The following SLCO3A1 variants were observed in gnomAD, a reference collection of about 807,000 sequenced individuals.
The protein encoded by SLCO3A1 is PGE1 transporter.
In SLCO3A1, 27 loss-of-function variants were observed where a neutral mutation model predicts 63.1. The ratio of observed to expected loss-of-function variants is 0.43; its 90% confidence interval spans 0.32 to 0.59. SLCO3A1 has a LOEUF of 0.59. Ranked by LOEUF, SLCO3A1 falls within the 20% of genes least tolerant of loss-of-function variation. SLCO3A1 has a pLI of 0.09. For missense variants in SLCO3A1, 773 were observed against 945.8 expected (o/e 0.82, Z 2.40); for synonymous variants, 473 against 409.9 (o/e 1.15, Z -1.86).
intron 2 of SLCO3A1, among the ~76,000 whole-genome samples, chr15:92,011,171 C>G (rs180697601): frequency 3.5e-4 from 53 of 152,354 alleles, no homozygotes; most frequent in Admixed American, 2.1e-3. Context: ...AGGGTCCTAT[C>G]CCATGACCAT....
chr15:92,107,031 A>C (rs965336285), intron 4 of SLCO3A1, among the ~76,000 whole-genome samples: 1 of 152,244 alleles, frequency 6.6e-6, no homozygotes, highest in Non-Finnish European at 1.5e-5. Context: ...ACTAGGGTGC[A>C]ATAGGCAAGC....
At chr15:92,057,109 G>A (rs751393196) in intron 2 of SLCO3A1, among the ~76,000 whole-genome samples, 4 of 152,186 alleles carry the variant, frequency 2.6e-5, no homozygotes, top group Admixed American at 6.5e-5. Flanking sequence ...TGCTGTGCCC[G>A]TCTCAGGAAG....
chr15:92,166,943 C>T (rs1596164106), downstream of SLCO3A1, among the ~76,000 whole-genome samples: 1 of 152,182 alleles, frequency 6.6e-6, no homozygotes, highest in East Asian at 1.9e-4. Context: ...CTGCTAGGAA[C>T]TCCAAAGGCC....
chr15:92,171,723 A>G (rs1355523819), intron 10 of SLCO3A1: 3 of 1,236,954 alleles, frequency 2.4e-6, no homozygotes, highest in East Asian at 5.1e-5. Flanking sequence ...CAGTAGGTGA[A>G]GCAGAAAAGA....
intron 2 of SLCO3A1, among the ~76,000 whole-genome samples, chr15:92,027,604 C>T (rs886782274): frequency 2.0e-5 from 3 of 152,160 alleles, no homozygotes; most frequent in Admixed American, 6.5e-5. Flanking sequence ...AGTTTGCTCC[C>T]GACGCATGCA....
Position 91,860,775 on chromosome 15 carries a change from A to G in SLCO3A1, c.180+6687A>G, listed in dbSNP as rs1044796866. ...GGTTGCCCAGAGGGGCTCAGGTCTC[A>G]CGTCTTGTCTGCTGCCTTCACCTCG... On this transcript the variant is annotated intron_variant, in intron 1 of 9. Coordinates refer to ENST00000318445, the MANE Select transcript of SLCO3A1 (RefSeq NM_013272.4). This position sits in a 1 kb window ranked among gnomAD's most constrained non-coding sequence, Gnocchi z 5.5. Among the ~76,000 whole-genome samples the G allele has an allele frequency of 6.6e-6, 1 of 152,238 alleles. No individual in the cohort carries two copies.
intron 2 of SLCO3A1, among the ~76,000 whole-genome samples, chr15:92,088,584 A>C (rs939338286): frequency 5.9e-5 from 9 of 152,164 alleles, no homozygotes; most frequent in Non-Finnish European, 8.8e-5. Context: ...ATTGGGTCCT[A>C]CTGGGCTACA....
In SLCO3A1 at chr15:91,887,078, C is replaced by T. The variant is rs564809637; in HGVS notation, c.181-28915C>T. 2.6e-5 allele frequency among the ~76,000 whole-genome samples: 4 copies of T among 152,272 alleles called. No individual in the cohort carries two copies. The East Asian group carries it at 7.7e-4, about 29-fold the overall frequency. ...TTTGTGGGAGGGCACAGGGGACTGA[C>T]GTGTGAATGCCAGGTGTCATTATCA... On this transcript the variant is annotated intron_variant, in intron 1 of 9. Transcript: ENST00000318445.
chr15:91,931,518 T>C (rs1283731140), intron 2 of SLCO3A1, among the ~76,000 whole-genome samples: 8 of 151,620 alleles, frequency 5.3e-5, no homozygotes, highest in Non-Finnish European at 1.0e-4. Flanking sequence ...TCACCCAGGC[T>C]GGAGTGCAAT....
At chr15:91,966,051 G>A (rs1158722537) in intron 2 of SLCO3A1, among the ~76,000 whole-genome samples, 1 of 152,150 alleles carries the variant, frequency 6.6e-6, no homozygotes, top group Admixed American at 6.5e-5. Context: ...TCATCCAGAA[G>A]GCATCAGAGC....
At chr15:92,031,350 T>G (rs571331121) in intron 2 of SLCO3A1, among the ~76,000 whole-genome samples, 1 of 152,300 alleles carries the variant, frequency 6.6e-6, no homozygotes, top group South Asian at 2.1e-4. Context: ...CTTTCGGAAC[T>G]TATCCAGTGC....
rs1468730889 is a variant in SLCO3A1, at chr15:91,954,949, C to A, written c.646+38491C>A. ...GGCTCTGTGCCCTGAGCCATGTTCT[C>A]CTCTTGGCCTTGGGCTCTGATCAGA... On this transcript the variant is annotated intron_variant, in intron 2 of 9. Coordinates refer to ENST00000318445, the MANE Select transcript of SLCO3A1 (RefSeq NM_013272.4). The surrounding 1 kb of genome is among the most constrained non-coding windows in gnomAD (Gnocchi z 4.7). Among the ~76,000 whole-genome samples, 2 of 152,158 alleles carry A rather than the reference C, an allele frequency of 1.3e-5. No homozygotes were observed. The highest frequency in any genetic ancestry group is 4.8e-5 in the African/African-American group (2 of 41,412).
intron 2 of SLCO3A1, among the ~76,000 whole-genome samples, chr15:91,998,036 T>C (rs567837987): frequency 6.6e-6 from 1 of 152,240 alleles, no homozygotes; most frequent in African/African-American, 2.4e-5. Context: ...AAAGAAACTA[T>C]CAATAGAGTA....
At chr15:91,959,261 T>C (rs935796530) in intron 2 of SLCO3A1, among the ~76,000 whole-genome samples, 26 of 152,056 alleles carry the variant, frequency 1.7e-4, no homozygotes, top group African/African-American at 6.0e-4. Flanking sequence ...TAATGGACTC[T>C]GGGGACTTGG....
chr15:92,121,591 C>T (rs568220128), intron 5 of SLCO3A1, among the ~76,000 whole-genome samples: 6 of 151,944 alleles, frequency 3.9e-5, no homozygotes, highest in African/African-American at 9.7e-5. Context: ...GGATGATAAT[C>T]GATATTATAT....
chr15:91,924,635 A>G (rs1728660867), intron 2 of SLCO3A1, among the ~76,000 whole-genome samples: 1 of 152,204 alleles, frequency 6.6e-6, no homozygotes, highest in Non-Finnish European at 1.5e-5. Flanking sequence ...TTGGATTTGG[A>G]GGAAGAGGAC....
chr15:92,065,795 C>T (rs62008603), intron 2 of SLCO3A1, among the ~76,000 whole-genome samples: 17,497 of 152,150 alleles, frequency 0.11, 1,126 homozygotes, highest in East Asian at 0.27. Context: ...GTTGCACAAC[C>T]ATCACCACCA....
At chr15:91,907,471 G>T (rs886274356) in intron 1 of SLCO3A1, among the ~76,000 whole-genome samples, 1 of 151,354 alleles carries the variant, frequency 6.6e-6, no homozygotes. Context: ...CTCCCAAAGT[G>T]CTAGGATTAC....
At chr15:91,987,016 G>A (rs1434332911) in intron 2 of SLCO3A1, among the ~76,000 whole-genome samples, 2 of 152,132 alleles carry the variant, frequency 1.3e-5, no homozygotes, top group African/African-American at 4.8e-5. Flanking sequence ...AGGGACACAG[G>A]CAAGGACCAT....
Sources: gnomAD v4.1 joint callset for allele counts (sites outside exome capture counted in the v4.1 genomes callset) on GRCh38, gnomAD v4.1.1 for gene constraint, Gnocchi (gnomAD v3.1) non-coding constraint, MANE v1.5 for transcripts, NCBI Gene and HGNC (gene_info 2026-07-23, HGNC 2026-07-21) for gene names.